Variants in DDX10 observed in about 807,000 individuals in gnomAD.
The protein encoded by DDX10 is DEAD-box helicase 10.
In DDX10, 74 loss-of-function variants were observed where a neutral mutation model predicts 104.3. The ratio of observed to expected loss-of-function variants is 0.71; its 90% CI spans 0.59 to 0.86. DDX10 has a LOEUF of 0.86. Ranked by LOEUF, DDX10 falls within the 40% of genes least tolerant of loss-of-function variation. The pLI, the probability that DDX10 is intolerant of heterozygous loss-of-function variation, is 0.00. For synonymous variants in DDX10, 351 were observed against 353.4 expected, an observed-to-expected ratio of 0.99 and a Z score of 0.08; for missense variants, 952 against 1,040.0, an observed-to-expected ratio of 0.92 and a Z score of 1.16.
In DDX10 at chr11:108,940,797, T is replaced by G. The variant is rs1864099851; in HGVS notation, c.*374T>G. On this transcript the variant is annotated 3_prime_UTR_variant, in exon 18 of 18. Transcript: ENST00000322536. Reference sequence around the variant, plus strand: ...TTGCTTACTGTACAGAAGTTTCTGTTGCTGTTAAAATTGCTCATGATTTCG... The same window carrying G: ...TTGCTTACTGTACAGAAGTTTCTGTGGCTGTTAAAATTGCTCATGATTTCG... 1.3e-5 allele frequency: 3 copies of G among 233,868 alleles called. No homozygotes were observed. Among genetic ancestry groups the G allele is most frequent in the Non-Finnish European group, 1.7e-5 (2 of 118,948 alleles). 14.5% of individuals were successfully genotyped at this position (233,868 alleles called of 1,614,324 possible). A position where few individuals can be genotyped will look rare whatever the true frequency, so the allele number is the denominator to read the frequency against.
intron 13 of DDX10, among the ~76,000 whole-genome samples, chr11:108,769,350 A>G (rs1022650563): frequency 3.3e-5 from 5 of 151,516 alleles, no homozygotes; most frequent in Admixed American, 2.0e-4. Context: ...CTTTTTCTGT[A>G]TCTGATTTAT....
chr11:108,873,096 T>G (rs1863104381), intron 16 of DDX10, among the ~76,000 whole-genome samples: 1 of 152,206 alleles, frequency 6.6e-6, no homozygotes, highest in Non-Finnish European at 1.5e-5. Context: ...TGTGTATGAC[T>G]GTCACATGAA....
chr11:108,930,577 C>T lies in DDX10; in HGVS notation c.2451-9669C>T, dbSNP rs923365919. Among the ~76,000 whole-genome samples, 5 of 152,230 alleles carry T rather than the reference C, an allele frequency of 3.3e-5. No homozygotes were observed. The East Asian group carries it at 9.6e-4, about 29-fold the overall frequency. On this transcript the variant is annotated intron_variant, in intron 17 of 17. Coordinates refer to ENST00000322536, the MANE Select transcript of DDX10 (RefSeq NM_004398.4). ...GTTTTATAAGAAACTGCTAAACTCT[C>T]TTCCGAAGTGGCTGTAGCATTTTGC...
At chr11:108,846,643 T>C (rs1243546595) in intron 15 of DDX10, among the ~76,000 whole-genome samples, 1 of 152,248 alleles carries the variant, frequency 6.6e-6, no homozygotes, top group African/African-American at 2.4e-5. Context: ...CCATTGTACA[T>C]ATATATGCTA....
At chr11:108,701,964 G>A (rs572067940) in intron 9 of DDX10, among the ~76,000 whole-genome samples, 3 of 152,192 alleles carry the variant, frequency 2.0e-5, no homozygotes, top group South Asian at 2.1e-4. Flanking sequence ...GGTTACAGGC[G>A]TGAACCACTG....
At chr11:108,848,856 G>A (rs1019799276) in intron 15 of DDX10, among the ~76,000 whole-genome samples, 1 of 152,078 alleles carries the variant, frequency 6.6e-6, no homozygotes, top group African/African-American at 2.4e-5. Context: ...CAGGGAGTCT[G>A]ATAGGATTAA....
Position 108,821,878 on chromosome 11 carries a change from G to A in DDX10, c.1966-16568G>A, listed in dbSNP as rs1037984533. Among the ~76,000 whole-genome samples the A allele has an allele frequency of 5.9e-5, 9 of 152,148 alleles. No individual in the cohort carries two copies. The South Asian group carries it at 1.9e-3, about 32-fold the overall frequency. ...AGGCCAAAAATATAAAGTAGACATT[G>A]CCACCTTATCTTCAACTCTTGCCTT... is the stretch of plus-strand genomic sequence containing the variant. On this transcript the variant is annotated intron_variant, in intron 13 of 17. Coordinates refer to ENST00000322536, the MANE Select transcript of DDX10 (RefSeq NM_004398.4).
intron 13 of DDX10, among the ~76,000 whole-genome samples, chr11:108,769,080 A>G (rs1219619521): frequency 6.6e-6 from 1 of 152,076 alleles, no homozygotes; most frequent in African/African-American, 2.4e-5. Flanking sequence ...TCCTGAAGTA[A>G]TTTGAATTTC....
chr11:108,706,200 G>C (rs554056917), intron 9 of DDX10, among the ~76,000 whole-genome samples: 18 of 152,162 alleles, frequency 1.2e-4, no homozygotes, highest in African/African-American at 3.6e-4. Flanking sequence ...TCAAACTCCT[G>C]ACCTCGGGTT....
At chr11:108,694,342 GCCAGGATTTGAAC>G (rs1304009637) in intron 9 of DDX10, among the ~76,000 whole-genome samples, 1 of 152,150 alleles carries the variant, frequency 6.6e-6, no homozygotes, top group African/African-American at 2.4e-5. Context: ...GATCCACAGA[GCCAGGATTTGAAC>G]CCAGGCAGTC....
chr11:108,938,616 T>A (rs927227706), intron 17 of DDX10, among the ~76,000 whole-genome samples: 11 of 152,188 alleles, frequency 7.2e-5, no homozygotes, highest in Non-Finnish European at 1.2e-4. Context: ...TTATTTTAAT[T>A]CTTTGCTGAC....
At chr11:108,914,968 A>G (rs1015858290) in intron 16 of DDX10, among the ~76,000 whole-genome samples, 34 of 152,060 alleles carry the variant, frequency 2.2e-4, no homozygotes, top group Admixed American at 1.3e-4. Context: ...CCCAGTAGAA[A>G]TTGTCCTGTA....
chr11:108,860,164 T>C (rs1862921937), intron 16 of DDX10, among the ~76,000 whole-genome samples: 2 of 152,220 alleles, frequency 1.3e-5, no homozygotes, highest in African/African-American at 4.8e-5. Context: ...TTTTCCATGT[T>C]ATTACTAGGA....
At chr11:108,734,382 C>CT (rs976975168) in intron 13 of DDX10, among the ~76,000 whole-genome samples, 4 of 152,138 alleles carry the variant, frequency 2.6e-5, no homozygotes, top group Non-Finnish European at 4.4e-5. Flanking sequence ...GTGCTTAATT[C>CT]TTTTTTTGTA....
chr11:108,693,313 C>G (rs1169779567), intron 8 of DDX10, among the ~76,000 whole-genome samples: 1 of 152,186 alleles, frequency 6.6e-6, no homozygotes, highest in Non-Finnish European at 1.5e-5. Context: ...TTCAAACAGT[C>G]ATTAATTTTA....
In DDX10 at chr11:108,743,744, A is replaced by G. The variant is rs535369708; in HGVS notation, c.1965+20282A>G. 2.6e-5 allele frequency among the ~76,000 whole-genome samples: 4 copies of G among 152,208 alleles called. No individual in the cohort carries two copies. In the South Asian group the frequency reaches 8.3e-4, roughly 32 times the overall value. ...AGAAGACTTTGCAAGACCTTTTTCT[A>G]TGGCTGTGTACTTCTTCAGCTTGAA... On this transcript the variant is annotated intron_variant, in intron 13 of 17. Coordinates refer to ENST00000322536, the MANE Select transcript of DDX10 (RefSeq NM_004398.4).
chr11:108,754,427 A>G (rs1425906164), intron 13 of DDX10, among the ~76,000 whole-genome samples: 1 of 152,068 alleles, frequency 6.6e-6, no homozygotes, highest in Non-Finnish European at 1.5e-5. Context: ...AGGTGGAATG[A>G]GGTTAATCCA....
At chr11:108,831,649 A>G (rs2134587176) in intron 13 of DDX10, among the ~76,000 whole-genome samples, 1 of 152,208 alleles carries the variant, frequency 6.6e-6, no homozygotes, top group East Asian at 1.9e-4. Context: ...CTTTAATTCT[A>G]ACTTTTATTT....
intron 13 of DDX10, among the ~76,000 whole-genome samples, chr11:108,790,795 A>C (rs1419808907): frequency 2.0e-5 from 3 of 151,922 alleles, no homozygotes; most frequent in Non-Finnish European, 4.4e-5. Context: ...ATTTACCTTA[A>C]GGTACCTCCC....
Sources: gnomAD v4.1 joint callset for allele counts (sites outside exome capture counted in the v4.1 genomes callset) on GRCh38, gnomAD v4.1.1 for gene constraint, MANE v1.5 for transcripts, NCBI Gene and HGNC (gene_info 2026-07-23, HGNC 2026-07-21) for gene names.